The following DUSP29 variants were observed in gnomAD, a reference collection of about 807,000 sequenced individuals.
The protein encoded by DUSP29 is atypical dual-specific protein phosphatase.
Under a neutral mutation model 13.5 loss-of-function variants are expected in DUSP29, and 12 were observed. The ratio of observed to expected loss-of-function variants is 0.89; its 90% CI spans 0.57 to 1.44. The LOEUF (loss-of-function observed/expected upper bound fraction) is 1.44, where lower values mean the gene tolerates loss of function less well. Among genes scored for constraint, DUSP29 ranks in the 40% most tolerant of loss-of-function variants. DUSP29 has a pLI of 0.00. For synonymous variants in DUSP29, 134 were observed against 128.7 expected (o/e 1.04, Z -0.28); for missense variants, 308 against 301.1 (o/e 1.02, Z -0.17).
chr10:75,072,632 G>A (rs1404448131), intron 1 of DUSP29, among the ~76,000 whole-genome samples: 1 of 152,120 alleles, frequency 6.6e-6, no homozygotes, highest in Non-Finnish European at 1.5e-5. Context: ...CAAGCTAAAG[G>A]TGGGGGCAGC....
At chr10:75,039,287 G>T (rs1230269489) in intron 3 of DUSP29, among the ~76,000 whole-genome samples, 9 of 152,188 alleles carry the variant, frequency 5.9e-5, no homozygotes, top group Admixed American at 5.9e-4. Flanking sequence ...AGGTCCTTAT[G>T]TTCTCACATA....
intron 1 of DUSP29, among the ~76,000 whole-genome samples, chr10:75,068,782 T>C (rs1265891116): frequency 6.6e-6 from 1 of 152,208 alleles, no homozygotes; most frequent in Non-Finnish European, 1.5e-5. Context: ...AATATGTACA[T>C]ATTTTTAACT....
intron 2 of DUSP29, among the ~76,000 whole-genome samples, chr10:75,057,084 T>C (rs1307727632): frequency 6.6e-6 from 1 of 152,064 alleles, no homozygotes; most frequent in Non-Finnish European, 1.5e-5. Flanking sequence ...GAGACCAGCC[T>C]GGCCAACATG....
chr10:75,047,505 A>T (rs1846731126), intron 2 of DUSP29, among the ~76,000 whole-genome samples: 1 of 152,204 alleles, frequency 6.6e-6, no homozygotes, highest in Non-Finnish European at 1.5e-5. Context: ...CACATATGTT[A>T]AAAAGAGACT....
chr10:75,068,346 A>G (rs138743190), intron 1 of DUSP29, among the ~76,000 whole-genome samples: 1 of 152,130 alleles, frequency 6.6e-6, no homozygotes, highest in Non-Finnish European at 1.5e-5. Context: ...ATGGAGGTGC[A>G]TGCACCTGTG....
intron 2 of DUSP29, 44 bp from the exon 3 acceptor site, chr10:75,044,061 C>T (rs745713079): frequency 3.2e-6 from 5 of 1,568,178 alleles, no homozygotes; most frequent in East Asian, 4.6e-5. Context: ...GGCGCCCTGC[C>T]CCGGGTCCGG....
intron 3 of DUSP29, 94 bp downstream of exon 3, chr10:75,043,702 GT>G: frequency 8.5e-7 from 1 of 1,170,126 alleles, no homozygotes; most frequent in Non-Finnish European, 1.2e-6. Flanking sequence ...CGGAGCCTTA[GT>G]GGGGCGGGGA....
chr10:75,069,892 A>C (rs1174452606), intron 1 of DUSP29, among the ~76,000 whole-genome samples: 1 of 151,654 alleles, frequency 6.6e-6, no homozygotes, highest in Non-Finnish European at 1.5e-5. Context: ...AAATACAAAA[A>C]AAAAAAAATG....
intron 1 of DUSP29, among the ~76,000 whole-genome samples, chr10:75,073,306 C>T (rs1000824950): frequency 6.6e-6 from 1 of 152,056 alleles, no homozygotes; most frequent in Non-Finnish European, 1.5e-5. Flanking sequence ...CACAAGGGCT[C>T]GATGAGCTTT....
At chr10:75,059,532 C>T (rs551616533) in intron 1 of DUSP29, among the ~76,000 whole-genome samples, 36 of 152,282 alleles carry the variant, frequency 2.4e-4, no homozygotes, top group African/African-American at 8.7e-4. Flanking sequence ...TGATTGTAAG[C>T]CCATTTAATC....
In DUSP29 at chr10:75,063,097, C is replaced by T. The variant is rs1441150175; in HGVS notation, c.-34-4549G>A. On this transcript the variant is annotated intron_variant, in intron 1 of 3. Transcript: ENST00000338487. ...AACAAACAAAAACCTGGCTGTTGGC[C>T]TCAGGCAAGAGACATTAGGGAGTGG... Among the ~76,000 whole-genome samples, 3 of 152,266 alleles carry T rather than the reference C, an allele frequency of 2.0e-5. No homozygotes were observed. The East Asian group carries it at 5.8e-4, about 29-fold the overall frequency.
intron 1 of DUSP29, among the ~76,000 whole-genome samples, chr10:75,065,833 G>C (rs1847190124): frequency 1.3e-5 from 2 of 152,012 alleles, no homozygotes; most frequent in Admixed American, 1.3e-4. Flanking sequence ...TAGGACTGCA[G>C]GCATGTGCCA....
intron 1 of DUSP29, among the ~76,000 whole-genome samples, chr10:75,071,008 G>A (rs1589871720): frequency 6.6e-6 from 1 of 152,120 alleles, no homozygotes; most frequent in South Asian, 2.1e-4. Flanking sequence ...CTGAGACAGG[G>A]GCCCTGGTTG....
Position 75,043,958 on chromosome 10 carries a change from G to A in DUSP29, c.260C>T (p.Ala87Val), listed in dbSNP as rs747727628. 1.9e-6 allele frequency: 3 copies of A among 1,613,288 alleles called. No homozygotes were observed. Among genetic ancestry groups the A allele is most frequent in the Admixed American group, 1.7e-5 (1 of 60,010 alleles). The change falls in exon 3 of 4, where the codon GCG becomes GTG. Residue 87 changes from alanine to valine, a missense_variant. Coordinates refer to ENST00000338487, the MANE Select transcript of DUSP29 (RefSeq NM_001003892.3). ...QKAGFTHVLN[A>V]AHGRWNVDTG... ...GTCCACGTTCCAGCGGCCGTGGGCC[G>A]CGTTCAGCACGTGCGTGAACCCCGC...
At chr10:75,058,981 G>A (rs910620526) in intron 1 of DUSP29, among the ~76,000 whole-genome samples, 1 of 152,218 alleles carries the variant, frequency 6.6e-6, no homozygotes, top group African/African-American at 2.4e-5. Context: ...GGCCCTCTCA[G>A]TGTCTGCAGG....
chr10:75,069,737 A>C (rs1269048069), intron 1 of DUSP29, among the ~76,000 whole-genome samples: 6 of 151,866 alleles, frequency 4.0e-5, no homozygotes, highest in African/African-American at 1.5e-4. Flanking sequence ...GTGATTATCT[A>C]CTCTCAAAAC....
chr10:75,043,813 C>A lies in DUSP29; in HGVS notation c.405G>T (p.Ala135=), dbSNP rs767922425. ...FYPAAAFIDR[A]LSDDHSKILV... is the part of the protein sequence containing the mutation. ...GTCTCTTACTGTGGTCGTCGCTTAG[C>A]GCTCTGTCGATGAAGGCTGCCGCCG... Residue 135 remains alanine (A), a synonymous_variant, in exon 3 of 4, where the codon GCG becomes GCT. Transcript: ENST00000338487. 1 of 1,613,270 alleles carries A rather than the reference C, an allele frequency of 6.2e-7. No homozygotes were observed. The highest frequency in any genetic ancestry group is 8.5e-7 in the Non-Finnish European group (1 of 1,179,872).
intron 2 of DUSP29, among the ~76,000 whole-genome samples, chr10:75,049,210 T>C (rs1846771930): frequency 6.6e-6 from 1 of 152,238 alleles, no homozygotes; most frequent in African/African-American, 2.4e-5. Context: ...GCATGATTTG[T>C]ATTGTTATTT....
At chr10:75,072,335 C>T (rs572957573) in intron 1 of DUSP29, among the ~76,000 whole-genome samples, 1 of 152,290 alleles carries the variant, frequency 6.6e-6, no homozygotes, top group South Asian at 2.1e-4. Flanking sequence ...GCCCCACAGC[C>T]TGCCCGTCTG....
Sources: allele counts gnomAD v4.1 joint callset (sites outside exome capture counted in the v4.1 genomes callset), GRCh38; gene constraint gnomAD v4.1.1; transcripts MANE v1.5; gene names NCBI Gene and HGNC (gene_info 2026-07-23, HGNC 2026-07-21).